The following KCNN1 variants were observed in gnomAD, a reference collection of about 807,000 sequenced individuals.
The protein encoded by KCNN1 is small conductance calcium-activated potassium channel protein 1.
Under a neutral mutation model 44.7 loss-of-function variants are expected in KCNN1, and 20 were observed. The ratio of observed to expected loss-of-function variants is 0.45; its 90% confidence interval spans 0.32 to 0.65. The LOEUF (loss-of-function observed/expected upper bound fraction) is 0.65, where lower values mean the gene tolerates loss of function less well. KCNN1 is among the 30% of genes least tolerant of loss of function. The pLI is 0.05. For synonymous variants in KCNN1, 324 were observed against 341.7 expected, an observed-to-expected ratio of 0.95 and a Z score of 0.57; for missense variants, 632 against 785.3, an observed-to-expected ratio of 0.80 and a Z score of 2.33.
At chr19:17,972,574 T>C (rs2145924204) in intron 1 of KCNN1, among the ~76,000 whole-genome samples, 1 of 152,268 alleles carries the variant, frequency 6.6e-6, no homozygotes, top group Non-Finnish European at 1.5e-5. Flanking sequence ...TGGAAACCAT[T>C]TGGATTCTGT....
intron 2 of KCNN1, among the ~76,000 whole-genome samples, chr19:17,956,491 C>G (rs2031546142): frequency 6.6e-6 from 1 of 152,092 alleles, no homozygotes; most frequent in African/African-American, 2.4e-5. Flanking sequence ...GCCTGTGATC[C>G]CAGAACTTTG....
intron 7 of KCNN1, among the ~76,000 whole-genome samples, chr19:17,991,911 C>G (rs1002871064): frequency 2.1e-4 from 32 of 152,134 alleles, no homozygotes; most frequent in African/African-American, 6.3e-4. Flanking sequence ...TTTTCCAAGA[C>G]AGGCGGCCGG....
At chr19:17,996,753 T>C (rs2145981125) in intron 9 of KCNN1, among the ~76,000 whole-genome samples, 1 of 152,218 alleles carries the variant, frequency 6.6e-6, no homozygotes, top group East Asian at 1.9e-4. Flanking sequence ...AGGTCAGTGG[T>C]GCTAGGAGGG....
At chr19:17,961,586 CTT>C (rs60134891) in intron 2 of KCNN1, among the ~76,000 whole-genome samples, 9 of 130,040 alleles carry the variant, frequency 6.9e-5, no homozygotes, top group Non-Finnish European at 7.8e-5. Context: ...TTCTTTCTTT[CTT>C]TTTTTTTTTT....
rs1233660687 is a variant in KCNN1, at chr19:17,999,900, A to T, written c.*1494A>T. ...AAGGGTATGAGGAGGTGCTGGTCAG[A>T]CCCGGGTTCGAGTCCTGACTCTGCC... On this transcript the variant is annotated 3_prime_UTR_variant, in exon 10 of 10. Coordinates refer to ENST00000684775, the MANE Select transcript of KCNN1 (RefSeq NM_001386974.1). 1.5e-5 allele frequency: 7 copies of T among 452,590 alleles called. No individual in the cohort carries two copies. Among genetic ancestry groups the T allele is most frequent in the Non-Finnish European group, 3.1e-5 (7 of 225,540 alleles). The allele number at this position is 452,590 out of a possible 1,614,324, so 28.0% of individuals were successfully genotyped here. A position where few individuals can be genotyped will look rare whatever the true frequency, so the allele number is the denominator to read the frequency against.
intron 2 of KCNN1, among the ~76,000 whole-genome samples, chr19:17,961,338 A>C (rs2031672719): frequency 6.6e-6 from 1 of 151,886 alleles, no homozygotes; most frequent in South Asian, 2.1e-4. Context: ...GCACTTTGGG[A>C]GGCTGAGATG....
At position 17,985,420 on chromosome 19, in the gene KCNN1, C is replaced by T. The variant is rs372863321; in HGVS notation, c.1026C>T (p.Cys342=). ...GCGACATGGTGCCCCACACCTACTGCGGGAAGGGTGTGTGCCTGCTCACTG... is the reference window on the plus strand; with the variant it reads ...GCGACATGGTGCCCCACACCTACTGTGGGAAGGGTGTGTGCCTGCTCACTG... The part of the protein sequence containing the change: ...GYGDMVPHTY[C]GKGVCLLTGI... Residue 342 remains cysteine, a synonymous_variant, in exon 5 of 10, where the codon TGC becomes TGT. Coordinates refer to ENST00000684775, the MANE Select transcript of KCNN1 (RefSeq NM_001386974.1). 2.0e-5 allele frequency: 32 copies of T among 1,607,022 alleles called. No homozygotes were observed. The highest frequency in any genetic ancestry group is 1.2e-4 in the African/African-American group (9 of 74,746).
At chr19:17,981,506 C>T (rs1458832418) in intron 3 of KCNN1, among the ~76,000 whole-genome samples, 7 of 149,016 alleles carry the variant, frequency 4.7e-5, no homozygotes, top group Non-Finnish European at 7.4e-5. Flanking sequence ...GAGCAGAGAT[C>T]GTGCCACTGC....
At chr19:17,962,580 C>T (rs2031706571), upstream of KCNN1, among the ~76,000 whole-genome samples, 1 of 152,126 alleles carries the variant, frequency 6.6e-6, no homozygotes, top group South Asian at 2.1e-4. Flanking sequence ...ATCCCAGGTC[C>T]CTGAATCCCG....
intron 3 of KCNN1, among the ~76,000 whole-genome samples, chr19:17,977,830 A>G (rs2145934602): frequency 6.6e-6 from 1 of 152,254 alleles, no homozygotes; most frequent in East Asian, 1.9e-4. Context: ...TCTGATACTG[A>G]ACATGGATGA....
intron 1 of KCNN1, 66 bp downstream of exon 1, chr19:17,967,383 G>C: frequency 1.1e-6 from 1 of 884,262 alleles, no homozygotes; most frequent in Non-Finnish European, 1.4e-6. Context: ...GCCCGAGGAG[G>C]GAGGCACGTC....
Position 17,994,423 on chromosome 19 carries a change from G to T in KCNN1, c.1377+864G>T, listed in dbSNP as rs141710791. Among the ~76,000 whole-genome samples, 22 of 151,144 alleles carry T rather than the reference G, an allele frequency of 1.5e-4. No individual in the cohort carries two copies. In the East Asian group the frequency reaches 4.3e-3, roughly 29 times the overall value. On this transcript the variant is annotated intron_variant, in intron 9 of 9. Transcript: ENST00000684775. ...GATCACTCTGCTGCACTCTAGCCTG[G>T]GCAACAGAGCGAGACCCTGTCTCAA... is the stretch of plus-strand genomic sequence containing the variant.
intron 3 of KCNN1, among the ~76,000 whole-genome samples, chr19:17,979,504 C>A (rs2032324878): frequency 8.3e-6 from 1 of 120,648 alleles, no homozygotes; most frequent in Non-Finnish European, 1.6e-5. Context: ...CCCGCCAGAG[C>A]AGGACCCGGT....
At chr19:17,969,896 C>T (rs1178096037) in intron 1 of KCNN1, among the ~76,000 whole-genome samples, 1 of 152,212 alleles carries the variant, frequency 6.6e-6, no homozygotes, top group Admixed American at 6.5e-5. Flanking sequence ...TGCAAGCTCC[C>T]AGCCCCACCT....
upstream of KCNN1, among the ~76,000 whole-genome samples, chr19:17,966,783 G>C (rs762407777): frequency 6.6e-6 from 1 of 152,120 alleles, no homozygotes; most frequent in Non-Finnish European, 1.5e-5. Flanking sequence ...TGATGCTTAC[G>C]GGGAGGACAG....
At chr19:17,997,722 C>G (rs919997560) in intron 9 of KCNN1, among the ~76,000 whole-genome samples, 2 of 152,066 alleles carry the variant, frequency 1.3e-5, no homozygotes, top group African/African-American at 4.8e-5. Flanking sequence ...TCAGGCGATT[C>G]GCCTGCCTCG....
At chr19:17,955,206 G>A (rs989258972) in intron 2 of KCNN1, among the ~76,000 whole-genome samples, 2 of 149,486 alleles carry the variant, frequency 1.3e-5, no homozygotes, top group African/African-American at 4.9e-5. Flanking sequence ...GCTTGTGAAT[G>A]GCCACTGCAC....
chr19:17,953,011 T>A (rs1782485340), intron 1 of KCNN1, among the ~76,000 whole-genome samples: 1 of 152,098 alleles, frequency 6.6e-6, no homozygotes, highest in South Asian at 2.1e-4. Context: ...CCGCCGCCGT[T>A]TAACCCTGAG....
chr19:17,957,176 G>C (rs2031563690), intron 2 of KCNN1, among the ~76,000 whole-genome samples: 2 of 122,840 alleles, frequency 1.6e-5, no homozygotes, highest in Non-Finnish European at 3.4e-5. Flanking sequence ...GAGGAGAGGG[G>C]AGGAGAGGAG....
Sources: allele counts gnomAD v4.1 joint callset (sites outside exome capture counted in the v4.1 genomes callset), GRCh38; gene constraint gnomAD v4.1.1; transcripts MANE v1.5; gene names NCBI Gene and HGNC (gene_info 2026-07-23, HGNC 2026-07-21).